Variants in MACC1 observed in about 807,000 individuals in gnomAD.
The protein encoded by MACC1 is MET transcriptional regulator MACC1.
A neutral mutation model predicts 70.7 loss-of-function variants in MACC1; 79 were observed. That is an observed-to-expected ratio of 1.12 (90% CI 0.93 to 1.35). The LOEUF (loss-of-function observed/expected upper bound fraction) is 1.35. Among genes scored for constraint, MACC1 ranks in the 40% most tolerant of loss-of-function variants. The pLI is 0.00. For missense variants in MACC1, 1,106 were observed against 978.1 expected, an observed-to-expected ratio of 1.13 and a Z score of -1.74; for synonymous variants, 361 against 347.2, an observed-to-expected ratio of 1.04 and a Z score of -0.44.
At chr7:20,185,196 C>T (rs1376586311) in intron 1 of MACC1, 1 of 152,166 alleles carries the variant, frequency 6.6e-6, no homozygotes. Flanking sequence ...ACTTTGCTAT[C>T]ATAAGAACAC....
At chr7:20,145,630 A>G (rs1781879304) in intron 6 of MACC1, among the ~76,000 whole-genome samples, 1 of 152,174 alleles carries the variant, frequency 6.6e-6, no homozygotes, top group African/African-American at 2.4e-5. Context: ...CTTAAGGTTA[A>G]TGAGGCTTAA....
At position 20,158,535 on chromosome 7, in the gene MACC1, A is replaced by G; in HGVS notation, c.1826T>C (p.Val609Ala). The G allele has an allele frequency of 3.7e-6, 6 of 1,614,152 alleles. No homozygotes were observed. The South Asian group carries it at 4.4e-5, about 12-fold the overall frequency. ...VGVLRGKIGL[V>A]HCKNVKVISK... is the part of the protein sequence containing the mutation. ...AATCACCTTGACATTTTTGCAGTGT[A>G]CAAGTCCAATCTTACCTCTGAGGAC... is the stretch of plus-strand genomic sequence containing the variant. The change falls in exon 5 of 7, where the codon GTA becomes GCA. Residue 609 changes from valine (V) to alanine (A), a missense_variant. Val to Ala is a moderately conservative substitution (Grantham distance 64). Transcript: ENST00000400331.
At chr7:20,185,568 A>C (rs1282696536) in intron 1 of MACC1, among the ~76,000 whole-genome samples, 2 of 152,168 alleles carry the variant, frequency 1.3e-5, no homozygotes, top group African/African-American at 4.8e-5. Flanking sequence ...TAAAAGGAGG[A>C]GGATAAAAAT....
chr7:20,185,550 C>G (rs961884586), intron 1 of MACC1, among the ~76,000 whole-genome samples: 13 of 151,734 alleles, frequency 8.6e-5, no homozygotes, highest in Admixed American at 3.9e-4. Flanking sequence ...AAATTTTCTG[C>G]TTTTTTATAA....
intron 6 of MACC1, among the ~76,000 whole-genome samples, chr7:20,142,492 C>G (rs1781820990): frequency 6.6e-6 from 1 of 152,154 alleles, no homozygotes; most frequent in African/African-American, 2.4e-5. Flanking sequence ...CAAAAATCAT[C>G]TCAGATTTTT....
At chr7:20,199,255 G>C (rs183527961) in intron 1 of MACC1, among the ~76,000 whole-genome samples, 1 of 152,334 alleles carries the variant, frequency 6.6e-6, no homozygotes, top group East Asian at 1.9e-4. Flanking sequence ...TGAGGAGAAG[G>C]AAAAATTATT....
chr7:20,210,035 TG>T (rs1252624510), intron 1 of MACC1, among the ~76,000 whole-genome samples: 1 of 152,202 alleles, frequency 6.6e-6, no homozygotes, highest in African/African-American at 2.4e-5. Flanking sequence ...TGTGGAACAG[TG>T]GAACAGTGAG....
At chr7:20,209,391 G>A (rs569210267) in intron 1 of MACC1, among the ~76,000 whole-genome samples, 38 of 152,238 alleles carry the variant, frequency 2.5e-4, no homozygotes, top group Non-Finnish European at 3.7e-4. Context: ...TTGCATCAGC[G>A]TGATGTGGAT....
At chr7:20,196,280 A>C (rs1049856833) in intron 1 of MACC1, among the ~76,000 whole-genome samples, 6 of 152,124 alleles carry the variant, frequency 3.9e-5, no homozygotes, top group Non-Finnish European at 5.9e-5. Flanking sequence ...TCCTGGGTTC[A>C]CGCCATTCTC....
At position 20,154,297 on chromosome 7, in the gene MACC1, T is replaced by A; in HGVS notation, c.2242A>T (p.Lys748Ter). 6.2e-7 allele frequency: 1 copy of A among 1,613,998 alleles called. No homozygotes were observed. The change falls in exon 6 of 7, where the codon AAA (lysine) becomes TAA (stop). Residue 748 changes from lysine (K) to a stop codon, truncating the protein, a stop_gained. Coordinates refer to ENST00000400331, the MANE Select transcript of MACC1 (RefSeq NM_182762.4). LOFTEE classifies it high-confidence loss of function. ...TTTTCAGCTAGTTCCCTCCAGCCTT[T>A]TCCAAGCTTGACAGCTGAAGTCAGA... ...AVLTSAVKLG[K>*]GWRELAEKLV... is the part of the protein sequence containing the mutation.
At chr7:20,209,124 A>C (rs1782957190) in intron 1 of MACC1, among the ~76,000 whole-genome samples, 1 of 152,130 alleles carries the variant, frequency 6.6e-6, no homozygotes, top group Admixed American at 6.5e-5. Context: ...CTCATAGAGA[A>C]CCTCTACTAG....
At chr7:20,203,035 CT>C (rs1782855560) in intron 1 of MACC1, among the ~76,000 whole-genome samples, 1 of 152,152 alleles carries the variant, frequency 6.6e-6, no homozygotes, top group Non-Finnish European at 1.5e-5. Context: ...CACCACTGTG[CT>C]TTTAAAAAAT....
At chr7:20,208,858 G>A (rs1298320169) in intron 1 of MACC1, among the ~76,000 whole-genome samples, 1 of 152,200 alleles carries the variant, frequency 6.6e-6, no homozygotes, top group African/African-American at 2.4e-5. Context: ...GGGCCCCACT[G>A]CTCTATGCAA....
chr7:20,179,789 T>C (rs1229297004), intron 1 of MACC1, among the ~76,000 whole-genome samples: 1 of 152,326 alleles, frequency 6.6e-6, no homozygotes, highest in East Asian at 1.9e-4. Flanking sequence ...TGGTCTTCTG[T>C]CTCAAACAAA....
At chr7:20,190,082 A>C (rs1782650379) in intron 1 of MACC1, among the ~76,000 whole-genome samples, 1 of 152,040 alleles carries the variant, frequency 6.6e-6, no homozygotes, top group African/African-American at 2.4e-5. Flanking sequence ...CAAAGGCTTC[A>C]CCTCCTAATT....
chr7:20,176,426 T>C (rs1782394156), intron 1 of MACC1, among the ~76,000 whole-genome samples: 1 of 152,116 alleles, frequency 6.6e-6, no homozygotes, highest in Admixed American at 6.5e-5. Flanking sequence ...ATCAAGTCTA[T>C]TGTTTTCAAA....
At position 20,135,400 on chromosome 7, in the gene MACC1, A is replaced by G. The variant is rs1445301627; in HGVS notation, c.*5546T>C. 6.6e-6 allele frequency: 1 copy of G among 152,232 alleles called. No homozygotes were observed. The highest frequency in any genetic ancestry group is 2.4e-5 in the African/African-American group (1 of 41,464). 9.4% of individuals were successfully genotyped at this position (152,232 alleles called of 1,614,324 possible). ...GGTTCTTTAGCACAATTTTTAAAAC[A>G]ATTTCTCCAACAGAATTAAGTGAAA... On this transcript the variant is annotated 3_prime_UTR_variant, in exon 7 of 7. Coordinates refer to ENST00000400331, the MANE Select transcript of MACC1 (RefSeq NM_182762.4).
intron 1 of MACC1, among the ~76,000 whole-genome samples, chr7:20,215,420 C>T (rs189746579): frequency 8.0e-4 from 122 of 152,260 alleles, no homozygotes; most frequent in East Asian, 7.5e-3. Context: ...ACACCATAGA[C>T]GGCACTTGAC....
At position 20,158,586 on chromosome 7, in the gene MACC1, G is replaced by A; in HGVS notation, c.1775C>T (p.Ser592Phe). The A allele has an allele frequency of 6.2e-7, 1 of 1,613,844 alleles. No homozygotes were observed. The highest frequency in any genetic ancestry group is 8.5e-7 in the Non-Finnish European group (1 of 1,179,946). The change falls in exon 5 of 7, where the codon TCC (serine) becomes TTC (phenylalanine). Residue 592 changes from serine to phenylalanine, a missense_variant. Ser to Phe is a radical substitution (Grantham distance 155). Coordinates refer to ENST00000400331, the MANE Select transcript of MACC1 (RefSeq NM_182762.4). ...GEGKVKAIGQSKVKEWYVGVL... is the reference protein window; with the variant it reads ...GEGKVKAIGQFKVKEWYVGVL... ...TCCTACATACCATTCTTTCACTTTG[G>A]ACTGACCAATAGCTTTTACCTTACC...
Sources: allele counts gnomAD v4.1 joint callset (sites outside exome capture counted in the v4.1 genomes callset), GRCh38; gene constraint gnomAD v4.1.1; transcripts MANE v1.5; gene names NCBI Gene and HGNC (gene_info 2026-07-23, HGNC 2026-07-21).